Variants in SOX5 observed in about 807,000 individuals in gnomAD.
The protein encoded by SOX5 is SRY-box transcription factor 5, also known as transcription factor SOX-5.
A neutral mutation model predicts 92.0 loss-of-function variants in SOX5; 9 were observed. The ratio of observed to expected loss-of-function variants is 0.10; its 90% CI spans 0.06 to 0.17. The LOEUF (loss-of-function observed/expected upper bound fraction) is 0.17. Ranked by LOEUF, SOX5 falls within the 10% of genes least tolerant of loss-of-function variation. The probability of loss-of-function intolerance (pLI) is 1.00; values close to 1 mark genes in which losing one functional copy is unlikely to be tolerated. For synonymous variants in SOX5, 344 were observed against 336.3 expected, an observed-to-expected ratio of 1.02 and a Z score of -0.25; for missense variants, 642 against 944.5, an observed-to-expected ratio of 0.68 and a Z score of 4.20.
intron 3 of SOX5, among the ~76,000 whole-genome samples, chr12:23,756,857 T>C (rs2141253111): frequency 6.6e-6 from 1 of 152,002 alleles, no homozygotes; most frequent in East Asian, 1.9e-4. Context: ...TATTAGAAAC[T>C]GGTTAATTTT....
At chr12:23,678,193 T>C (rs192756624) in intron 6 of SOX5, among the ~76,000 whole-genome samples, 24 of 152,292 alleles carry the variant, frequency 1.6e-4, no homozygotes, top group Admixed American at 3.3e-4. Context: ...TATGTAATCA[T>C]GAGTTTTTTA....
intron 3 of SOX5, among the ~76,000 whole-genome samples, chr12:24,262,264 G>C (rs1942234794): frequency 6.6e-6 from 1 of 152,106 alleles, no homozygotes; most frequent in African/African-American, 2.4e-5. Context: ...CTCAATCAAG[G>C]ACAGTGACAC....
chr12:24,439,751 C>T (rs1297238528), intron 1 of SOX5, among the ~76,000 whole-genome samples: 4 of 152,072 alleles, frequency 2.6e-5, no homozygotes, highest in African/African-American at 9.6e-5. Context: ...AAAAATTGGT[C>T]GGGCATGGTG....
At chr12:23,715,850 A>T (rs796080749) in intron 6 of SOX5, among the ~76,000 whole-genome samples, 36 of 151,380 alleles carry the variant, frequency 2.4e-4, no homozygotes, top group African/African-American at 8.8e-4. Flanking sequence ...CTCAAAGGAT[A>T]GCTAACAAAT....
intron 4 of SOX5, among the ~76,000 whole-genome samples, chr12:24,130,051 C>T (rs1046379331): frequency 1.3e-5 from 2 of 151,720 alleles, no homozygotes; most frequent in Admixed American, 6.6e-5. Context: ...TGGAAAGATA[C>T]TTAGGAAATT....
At chr12:24,214,286 A>G (rs1958986187) in intron 3 of SOX5, among the ~76,000 whole-genome samples, 1 of 152,112 alleles carries the variant, frequency 6.6e-6, no homozygotes, top group Admixed American at 6.5e-5. Context: ...GACAGACTGC[A>G]GGGTCATAAA....
At chr12:23,888,579 T>C (rs988726636) in intron 2 of SOX5, among the ~76,000 whole-genome samples, 4 of 152,228 alleles carry the variant, frequency 2.6e-5, no homozygotes, top group African/African-American at 9.6e-5. Context: ...TGGAATTTTA[T>C]GGCAACAGGA....
Position 23,740,476 on chromosome 12 carries a change from C to T in SOX5, c.741+391G>A, listed in dbSNP as rs11047074. On this transcript the variant is annotated intron_variant, in intron 5 of 14. Coordinates refer to ENST00000451604, the MANE Select transcript of SOX5 (RefSeq NM_006940.6). ...TGAACTTCCTGCCCCCAGCTGGAAA[C>T]TCACTTTACTTGTTGAAGCCCACAA... Among the ~76,000 whole-genome samples the T allele has an allele frequency of 9.6e-4, 146 of 152,270 alleles. 1 individual carries two copies. Among genetic ancestry groups the T allele is most frequent in the African/African-American group, 3.3e-3 (136 of 41,558 alleles).
At chr12:24,267,260 C>T (rs1943141894) in intron 3 of SOX5, among the ~76,000 whole-genome samples, 2 of 151,996 alleles carry the variant, frequency 1.3e-5, no homozygotes, top group South Asian at 4.1e-4. Flanking sequence ...AAAAACCTTA[C>T]CATGTTGTGA....
chr12:24,379,221 C>T (rs939547726), intron 1 of SOX5, among the ~76,000 whole-genome samples: 2 of 152,210 alleles, frequency 1.3e-5, no homozygotes, highest in African/African-American at 4.8e-5. Context: ...TTGTATTTCT[C>T]ACTTTCAAGT....
At chr12:24,396,476 T>C (rs1484908935) in intron 1 of SOX5, among the ~76,000 whole-genome samples, 1 of 152,248 alleles carries the variant, frequency 6.6e-6, no homozygotes, top group African/African-American at 2.4e-5. Flanking sequence ...ATTCAGCTCA[T>C]TTCATTTAGA....
At chr12:23,760,721 A>C (rs1319988181) in intron 3 of SOX5, among the ~76,000 whole-genome samples, 1 of 152,084 alleles carries the variant, frequency 6.6e-6, no homozygotes, top group African/African-American at 2.4e-5. Flanking sequence ...AAACACTCTT[A>C]AGACCGACTC....
chr12:24,267,873 T>G (rs1177458000), intron 3 of SOX5, among the ~76,000 whole-genome samples: 1 of 152,168 alleles, frequency 6.6e-6, no homozygotes, highest in Non-Finnish European at 1.5e-5. Context: ...TTTTAAAAAG[T>G]AATAAAACTC....
At chr12:23,549,661 A>G (rs1261241464) in intron 11 of SOX5, among the ~76,000 whole-genome samples, 3 of 151,966 alleles carry the variant, frequency 2.0e-5, no homozygotes, top group Non-Finnish European at 4.4e-5. Context: ...TCAACATGTA[A>G]AAGTCCTGGG....
chr12:24,150,512 C>T (rs935960977), intron 4 of SOX5, among the ~76,000 whole-genome samples: 4 of 152,050 alleles, frequency 2.6e-5, no homozygotes, highest in Non-Finnish European at 5.9e-5. Context: ...ATTTCAGTAG[C>T]AGTCAAAGCC....
intron 3 of SOX5, among the ~76,000 whole-genome samples, chr12:23,795,186 G>A (rs2142034124): frequency 6.6e-6 from 1 of 152,104 alleles, no homozygotes; most frequent in African/African-American, 2.4e-5. Context: ...TGGAAAATGG[G>A]AGGAATCAGT....
intron 3 of SOX5, among the ~76,000 whole-genome samples, chr12:23,756,498 T>C (rs1463545455): frequency 6.6e-6 from 1 of 151,924 alleles, no homozygotes; most frequent in Non-Finnish European, 1.5e-5. Context: ...TAAGTAAATA[T>C]AAATGCCAAT....
intron 1 of SOX5, among the ~76,000 whole-genome samples, chr12:24,547,083 C>G (rs1233150766): frequency 6.8e-6 from 1 of 146,182 alleles, no homozygotes; most frequent in Middle Eastern, 3.3e-3. Flanking sequence ...TATATTGGAA[C>G]AATAGGAGAA....
intron 6 of SOX5, among the ~76,000 whole-genome samples, chr12:23,691,157 G>A (rs543224295): frequency 6.6e-6 from 1 of 152,268 alleles, no homozygotes; most frequent in South Asian, 2.1e-4. Context: ...CCAGGCCAAA[G>A]GCAAGGAGGC....
Sources: gnomAD v4.1 joint callset for allele counts (sites outside exome capture counted in the v4.1 genomes callset) on GRCh38, gnomAD v4.1.1 for gene constraint, MANE v1.5 for transcripts, NCBI Gene and HGNC (gene_info 2026-07-23, HGNC 2026-07-21) for gene names.